THSD7B: variants seen among roughly 807,000 people sequenced by gnomAD.
THSD7B encodes thrombospondin type-1 domain-containing protein 7B.
THSD7B carries 138 observed loss-of-function variants against 213.6 expected under a neutral mutation model. That is an observed-to-expected ratio of 0.65 (90% CI 0.56 to 0.74). THSD7B has a LOEUF of 0.74. Ranked by LOEUF, THSD7B falls within the 30% of genes least tolerant of loss-of-function variation. The pLI, the probability that THSD7B is intolerant of heterozygous loss-of-function variation, is 0.00. For missense variants in THSD7B, 1,931 were observed against 1,991.5 expected, an observed-to-expected ratio of 0.97 and a Z score of 0.58; for synonymous variants, 742 against 687.0, an observed-to-expected ratio of 1.08 and a Z score of -1.25.
At chr2:137,382,492 C>G (rs1005065471) in intron 12 of THSD7B, among the ~76,000 whole-genome samples, 1 of 152,162 alleles carries the variant, frequency 6.6e-6, no homozygotes. Flanking sequence ...GGTTTTTGGT[C>G]CCAATGATGG....
At chr2:137,391,403 A>ATT (rs1686023735) in intron 12 of THSD7B, among the ~76,000 whole-genome samples, 2 of 152,168 alleles carry the variant, frequency 1.3e-5, no homozygotes, top group African/African-American at 4.8e-5. Context: ...CTTTTTAAAG[A>ATT]ACAGGCCAGG....
chr2:137,269,377 C>T (rs538987384), intron 10 of THSD7B, among the ~76,000 whole-genome samples: 10 of 152,298 alleles, frequency 6.6e-5, no homozygotes, highest in African/African-American at 1.7e-4. Context: ...GAGTGTGTAC[C>T]GTATGTGTAT....
chr2:136,862,615 C>G (rs1347173098), intron 1 of THSD7B, among the ~76,000 whole-genome samples: 1 of 152,182 alleles, frequency 6.6e-6, no homozygotes, highest in Non-Finnish European at 1.5e-5. Flanking sequence ...GGATCATCAA[C>G]TGGGGAGTGA....
rs80093703 is a variant in THSD7B at position 137,056,285 on chromosome 2, A to G, written c.140-135A>G. ...TGTCCACATTCTGAACCACTAAATTATGTTGTCTCTGTTCCACCAAAATTC... is the reference window on the plus strand; with the variant it reads ...TGTCCACATTCTGAACCACTAAATTGTGTTGTCTCTGTTCCACCAAAATTC... On this transcript the variant is annotated intron_variant, in intron 2 of 27. Coordinates refer to ENST00000409968, the MANE Select transcript of THSD7B (RefSeq NM_001316349.2). 5.4e-4 allele frequency: 435 copies of G among 801,802 alleles called. No individual in the cohort carries two copies. In the African/African-American group the frequency reaches 6.9e-3, roughly 13 times the overall value. The allele number at this position is 801,802 out of a possible 1,614,324, so 49.7% of individuals were successfully genotyped here.
chr2:137,632,064 T>A (rs563517274), intron 20 of THSD7B, among the ~76,000 whole-genome samples: 13 of 152,282 alleles, frequency 8.5e-5, no homozygotes, highest in Admixed American at 7.8e-4. Context: ...AGTTTGTCAG[T>A]TGTGGAGGAT....
chr2:136,869,243 G>T (rs778177), intron 1 of THSD7B, among the ~76,000 whole-genome samples: 91,478 of 151,988 alleles, frequency 0.6, 28,027 homozygotes, highest in Middle Eastern at 0.73. Flanking sequence ...GTAGGGTTGC[G>T]TAACTTCTGA....
At chr2:136,770,616 G>A (rs1681487486) in intron 1 of THSD7B, among the ~76,000 whole-genome samples, 1 of 152,160 alleles carries the variant, frequency 6.6e-6, no homozygotes, top group Non-Finnish European at 1.5e-5. Flanking sequence ...AAGAGGCCTT[G>A]GGACACACTC....
At chr2:137,305,145 C>G (rs1683712138) in intron 12 of THSD7B, among the ~76,000 whole-genome samples, 1 of 152,112 alleles carries the variant, frequency 6.6e-6, no homozygotes, top group Non-Finnish European at 1.5e-5. Flanking sequence ...TGCTCTGAAA[C>G]TGAAATGACA....
At chr2:137,626,610 G>A (rs981653035) in intron 20 of THSD7B, among the ~76,000 whole-genome samples, 8 of 151,838 alleles carry the variant, frequency 5.3e-5, no homozygotes, top group Non-Finnish European at 1.0e-4. Context: ...TTCCTTTCCT[G>A]AAGATACTGT....
intron 12 of THSD7B, among the ~76,000 whole-genome samples, chr2:137,400,166 C>T (rs920534286): frequency 1.3e-5 from 2 of 152,084 alleles, no homozygotes. Context: ...ATTTCTTTTG[C>T]ATCTCTTGCA....
intron 15 of THSD7B, among the ~76,000 whole-genome samples, chr2:137,457,402 C>A (rs1687784061): frequency 6.6e-6 from 1 of 152,194 alleles, no homozygotes; most frequent in African/African-American, 2.4e-5. Flanking sequence ...TAAGGCTGCC[C>A]TTGGGCAGGG....
intron 7 of THSD7B, among the ~76,000 whole-genome samples, chr2:137,194,988 A>C (rs1242826276): frequency 6.6e-6 from 1 of 152,110 alleles, no homozygotes; most frequent in Non-Finnish European, 1.5e-5. Flanking sequence ...GCCTTTACCT[A>C]ATCTTAGTGA....
chr2:136,773,983 T>G (rs1325547560), intron 1 of THSD7B, among the ~76,000 whole-genome samples: 1 of 151,936 alleles, frequency 6.6e-6, no homozygotes, highest in Non-Finnish European at 1.5e-5. Flanking sequence ...ATCTCATTAC[T>G]CTCATCTACT....
intron 2 of THSD7B, among the ~76,000 whole-genome samples, chr2:136,890,309 T>C (rs1449062682): frequency 2.9e-3 from 1 of 342 alleles, no homozygotes; most frequent in African/African-American, 6.2e-3. Context: ...TACTCCTTCT[T>C]CTTCTTCTTC....
intron 14 of THSD7B, among the ~76,000 whole-genome samples, chr2:137,440,277 GC>G (rs552909492): frequency 1.4e-4 from 22 of 151,960 alleles, no homozygotes; most frequent in Admixed American, 2.0e-4. Context: ...AATTTCCAGA[GC>G]CCACATGTCT....
At chr2:137,477,889 A>G (rs113144286) in intron 15 of THSD7B, among the ~76,000 whole-genome samples, 2,798 of 151,712 alleles carry the variant, frequency 0.018, 82 homozygotes, top group African/African-American at 0.064. Context: ...TTTTTCTTTC[A>G]GCATTTTGAA....
intron 2 of THSD7B, among the ~76,000 whole-genome samples, chr2:136,979,029 T>C (rs960754280): frequency 1.3e-5 from 2 of 152,104 alleles, no homozygotes; most frequent in African/African-American, 4.8e-5. Flanking sequence ...AAAAGGATTT[T>C]TATTTTTCCT....
chr2:137,478,441 T>A (rs1688235019), intron 15 of THSD7B, among the ~76,000 whole-genome samples: 1 of 152,198 alleles, frequency 6.6e-6, no homozygotes, highest in Non-Finnish European at 1.5e-5. Flanking sequence ...GTTGTTGTTA[T>A]CCACCTCTGG....
intron 15 of THSD7B, among the ~76,000 whole-genome samples, chr2:137,506,570 T>A (rs1387881534): frequency 1.3e-5 from 2 of 152,250 alleles, no homozygotes; most frequent in African/African-American, 4.8e-5. Flanking sequence ...CACAGGGAGA[T>A]GTGGAGACAC....
Sources: gnomAD v4.1 joint callset for allele counts (sites outside exome capture counted in the v4.1 genomes callset) on GRCh38, gnomAD v4.1.1 for gene constraint, MANE v1.5 for transcripts, NCBI Gene and HGNC (gene_info 2026-07-23, HGNC 2026-07-21) for gene names.